The following IL7 variants were observed in gnomAD, a reference collection of about 807,000 sequenced individuals.
IL7 encodes interleukin 7.
A neutral mutation model predicts 21.6 loss-of-function variants in IL7; 3 were observed. That is an observed-to-expected ratio of 0.14 (90% CI 0.06 to 0.36). The LOEUF (loss-of-function observed/expected upper bound fraction) is 0.36. Ranked by LOEUF, IL7 falls within the 10% of genes least tolerant of loss-of-function variation. The pLI is 1.00. For missense variants in IL7, 175 were observed against 200.2 expected (o/e 0.87, Z 0.76); for synonymous variants, 62 against 68.1 (o/e 0.91, Z 0.44).
At chr8:78,692,500 A>C (rs901047438) in intron 3 of IL7, among the ~76,000 whole-genome samples, 5 of 152,190 alleles carry the variant, frequency 3.3e-5, no homozygotes, top group Non-Finnish European at 7.3e-5. Context: ...TAGACATGAC[A>C]TGGTAGGTAA....
At chr8:78,690,293 C>T (rs1015569510) in intron 3 of IL7, among the ~76,000 whole-genome samples, 3 of 152,212 alleles carry the variant, frequency 2.0e-5, no homozygotes, top group African/African-American at 7.2e-5. Context: ...GGTGCAGTGG[C>T]TCCCGCCTTT....
At chr8:78,772,666 T>G (rs1373949887) in intron 2 of IL7, among the ~76,000 whole-genome samples, 1 of 152,164 alleles carries the variant, frequency 6.6e-6, no homozygotes, top group Non-Finnish European at 1.5e-5. Context: ...TAAGATCCTG[T>G]GGCATATTTC....
At chr8:78,680,981 G>C (rs1396903390) in intron 4 of IL7, among the ~76,000 whole-genome samples, 1 of 152,182 alleles carries the variant, frequency 6.6e-6, no homozygotes, top group Non-Finnish European at 1.5e-5. Context: ...AGTAGGAACA[G>C]AGAGTTGAGG....
chr8:78,769,848 T>C (rs1255525158), intron 2 of IL7, among the ~76,000 whole-genome samples: 1 of 151,920 alleles, frequency 6.6e-6, no homozygotes, highest in Non-Finnish European at 1.5e-5. Flanking sequence ...TATAGACCAA[T>C]GGAACAGAAC....
intron 3 of IL7, among the ~76,000 whole-genome samples, chr8:78,699,288 G>C (rs1445730041): frequency 6.6e-6 from 1 of 152,086 alleles, no homozygotes; most frequent in South Asian, 2.1e-4. Flanking sequence ...GGGAAAAATT[G>C]TAACAGTGGA....
intron 4 of IL7, among the ~76,000 whole-genome samples, chr8:78,684,079 C>T (rs1409272020): frequency 2.0e-5 from 3 of 152,180 alleles, no homozygotes; most frequent in Non-Finnish European, 4.4e-5. Flanking sequence ...ATTTTTCTGT[C>T]TTCTGAGCCC....
At chr8:78,757,291 G>C (rs1443497780) in intron 2 of IL7, among the ~76,000 whole-genome samples, 3 of 151,938 alleles carry the variant, frequency 2.0e-5, no homozygotes, top group East Asian at 1.9e-4. Flanking sequence ...TTTGAGACTT[G>C]TTTTGTGGAC....
chr8:78,704,649 C>G (rs1810715392), intron 3 of IL7, among the ~76,000 whole-genome samples: 1 of 152,126 alleles, frequency 6.6e-6, no homozygotes, highest in South Asian at 2.1e-4. Flanking sequence ...GCCCATCTAG[C>G]TAGGTTAGGA....
chr8:78,689,394 T>G (rs375969699), intron 3 of IL7: 4 of 1,543,238 alleles, frequency 2.6e-6, no homozygotes, highest in Non-Finnish European at 3.5e-6. Context: ...TTTTAATAAT[T>G]GCTATAAACG....
At chr8:78,721,218 T>C (rs1286097482) in intron 4 of IL7, 1 of 152,020 alleles carries the variant, frequency 6.6e-6, no homozygotes, top group Non-Finnish European at 1.5e-5. Context: ...TACCAAAAAG[T>C]GCGGCAGAAA....
At chr8:78,695,969 A>T (rs1302280650) in intron 3 of IL7, among the ~76,000 whole-genome samples, 1 of 152,134 alleles carries the variant, frequency 6.6e-6, no homozygotes, top group Non-Finnish European at 1.5e-5. Flanking sequence ...GTGCATCTTA[A>T]ATTTTATATT....
intron 4 of IL7, among the ~76,000 whole-genome samples, chr8:78,684,212 T>C (rs936548328): frequency 6.6e-6 from 1 of 152,218 alleles, no homozygotes; most frequent in Non-Finnish European, 1.5e-5. Flanking sequence ...ATTTTCATAC[T>C]GCTATGAAGA....
At chr8:78,754,703 T>G (rs1457131273) in intron 2 of IL7, among the ~76,000 whole-genome samples, 2 of 152,200 alleles carry the variant, frequency 1.3e-5, no homozygotes, top group Admixed American at 6.5e-5. Context: ...GCTGTTGAGC[T>G]GTATGAATTC....
intron 2 of IL7, among the ~76,000 whole-genome samples, chr8:78,758,209 TA>T (rs1812419359): frequency 6.6e-6 from 1 of 152,096 alleles, no homozygotes; most frequent in African/African-American, 2.4e-5. Context: ...TTTTCTTTTC[TA>T]CCCATTCAGC....
chr8:78,746,133 A>G (rs978164021), intron 2 of IL7, among the ~76,000 whole-genome samples: 2 of 152,222 alleles, frequency 1.3e-5, no homozygotes, highest in South Asian at 2.1e-4. Flanking sequence ...TATTTAGCCT[A>G]CTATAGAGAA....
chr8:78,801,130 T>C (rs2130851480), intron 1 of IL7, among the ~76,000 whole-genome samples: 1 of 152,366 alleles, frequency 6.6e-6, no homozygotes, highest in South Asian at 2.1e-4. Context: ...GAGTGTTTTC[T>C]GTTGCCATTG....
Position 78,733,627 on chromosome 8 carries a change from A to G in IL7, c.*86T>C. On this transcript the variant is annotated 3_prime_UTR_variant, in exon 6 of 6. Coordinates refer to ENST00000263851, the MANE Select transcript of IL7 (RefSeq NM_000880.4). ...GTGCATTCAGTAACTTCTAGGAAGC[A>G]TTCCACTCTGAAAAACTGCATAAGC... 7.1e-7 allele frequency: 1 copy of G among 1,417,502 alleles called. No homozygotes were observed. The highest frequency in any genetic ancestry group is 9.6e-7 in the Non-Finnish European group (1 of 1,039,678). The allele number at this position is 1,417,502 out of a possible 1,614,324, so 87.8% of individuals were successfully genotyped here. A position where few individuals can be genotyped will look rare whatever the true frequency, so the allele number is the denominator to read the frequency against.
In IL7 at chr8:78,800,400, C is replaced by T. The variant is rs111256323; in HGVS notation, c.11-2192G>A. Among the ~76,000 whole-genome samples the T allele has an allele frequency of 3.4e-3, 524 of 152,202 alleles. 3 individuals carry two copies. The highest frequency in any genetic ancestry group is 0.012 in the African/African-American group (488 of 41,518). On this transcript the variant is annotated intron_variant, in intron 1 of 5. Transcript: ENST00000263851. ...GAAGCCTCAAATTCCTAGGTTCAAG[C>T]GATCCTCCTACCTCAGCGTTCTGAG...
At chr8:78,750,337 G>C (rs539990731) in intron 2 of IL7, among the ~76,000 whole-genome samples, 1 of 151,786 alleles carries the variant, frequency 6.6e-6, no homozygotes, top group Admixed American at 6.6e-5. Flanking sequence ...TTTCCACACC[G>C]TATTGTGACA....
Sources: allele counts gnomAD v4.1 joint callset (sites outside exome capture counted in the v4.1 genomes callset), GRCh38; gene constraint gnomAD v4.1.1; transcripts MANE v1.5; gene names NCBI Gene and HGNC (gene_info 2026-07-23, HGNC 2026-07-21).